SERPINB13: variants seen among roughly 807,000 people sequenced by gnomAD.
SERPINB13 encodes serpin family B member 13.
A neutral mutation model predicts 31.2 loss-of-function variants in SERPINB13; 26 were observed. That is an observed-to-expected ratio of 0.83 (90% CI 0.61 to 1.15). The LOEUF (loss-of-function observed/expected upper bound fraction) is 1.15, where lower values mean the gene tolerates loss of function less well. Among genes scored for constraint, SERPINB13 ranks in the 50% most tolerant of loss-of-function variants. The pLI, the probability that SERPINB13 is intolerant of heterozygous loss-of-function variation, is 0.00. For synonymous variants in SERPINB13, 191 were observed against 172.4 expected (o/e 1.11, Z -0.85); for missense variants, 510 against 469.4 (o/e 1.09, Z -0.80).
intron 3 of SERPINB13, chr18:63,590,033 G>A: frequency 3.8e-6 from 1 of 265,070 alleles, no homozygotes; most frequent in Non-Finnish European, 7.0e-6. Context: ...ACAGACTTAG[G>A]TCCAAGTCCT....
Position 63,593,351 on chromosome 18 carries a change from A to T in SERPINB13, c.472+380A>T, listed in dbSNP as rs538592364. 2.6e-5 allele frequency among the ~76,000 whole-genome samples: 4 copies of T among 152,308 alleles called. No individual in the cohort carries two copies. In the South Asian group the frequency reaches 8.3e-4, roughly 32 times the overall value. On this transcript the variant is annotated intron_variant, in intron 5 of 7. Transcript: ENST00000344731. ...AGGATGATGCCTGTCTTGGGTTTAC[A>T]TTCTTTCCTTTATATCAGAGCCTTT... is the stretch of plus-strand genomic sequence containing the variant.
intron 7 of SERPINB13, among the ~76,000 whole-genome samples, chr18:63,596,197 T>C (rs1316756956): frequency 1.3e-5 from 2 of 152,202 alleles, no homozygotes; most frequent in African/African-American, 2.4e-5. Context: ...TACTACCAGA[T>C]GCTGTGCTAC....
chr18:63,589,558 C>A, intron 2 of SERPINB13, 98 bp from the exon 3 acceptor site: 1 of 1,458,702 alleles, frequency 6.9e-7, no homozygotes, highest in Non-Finnish European at 9.2e-7. Context: ...TCATATACCA[C>A]CGAGGTTTCT....
At chr18:63,590,725 T>C (rs181105095) in intron 3 of SERPINB13, among the ~76,000 whole-genome samples, 262 of 152,370 alleles carry the variant, frequency 1.7e-3, no homozygotes, top group African/African-American at 5.4e-3. Flanking sequence ...GGGTGGAAAC[T>C]GAATTTCAGC....
At chr18:63,589,385 A>T (rs935213518) in intron 2 of SERPINB13, among the ~76,000 whole-genome samples, 1 of 151,792 alleles carries the variant, frequency 6.6e-6, no homozygotes, top group East Asian at 1.9e-4. Flanking sequence ...GAATCCAGGA[A>T]CAGAGGTTTC....
chr18:63,589,995 T>TCCACTCTGCTATGGGA, intron 3 of SERPINB13: 1 of 421,522 alleles, frequency 2.4e-6, no homozygotes, highest in Non-Finnish European at 3.8e-6. Flanking sequence ...AAAGTTCCCA[T>TCCACTCTGCTATGGGA]AGCAGAGTGG....
chr18:63,597,140 G>T lies in SERPINB13; in HGVS notation c.953G>T (p.Gly318Val). ...AGTGAGCACAAAGCCGACTACTCGG[G>T]AATGTCGTCAGGCTCCGGGTTGTAC... ...AFSEHKADYSGMSSGSGLYAQ... is the reference protein window; with the variant it reads ...AFSEHKADYSVMSSGSGLYAQ... The change falls in exon 8 of 8, where the codon GGA (glycine) becomes GTA (valine). Residue 318 changes from glycine (G) to valine (V), a missense_variant. Transcript: ENST00000344731. The T allele has an allele frequency of 6.2e-7, 1 of 1,614,232 alleles. No homozygotes were observed. The highest frequency in any genetic ancestry group is 8.5e-7 in the Non-Finnish European group (1 of 1,180,040).
Position 63,590,759 on chromosome 18 carries a change from A to G in SERPINB13, c.225+1044A>G, listed in dbSNP as rs115485020. Among the ~76,000 whole-genome samples the G allele has an allele frequency of 4.2e-3, 636 of 152,336 alleles. 6 individuals are homozygous for G. The highest frequency in any genetic ancestry group is 0.014 in the African/African-American group (598 of 41,580). On this transcript the variant is annotated intron_variant, in intron 3 of 7. Transcript: ENST00000344731. Reference sequence around the variant, plus strand: ...GCTTTGTGTAAGGCAAAGCTTACACATACATGCTGTCTAGCAGTTTTGCCC... The same window carrying G: ...GCTTTGTGTAAGGCAAAGCTTACACGTACATGCTGTCTAGCAGTTTTGCCC...
Position 63,597,165 on chromosome 18 carries a change from C to A in SERPINB13, c.978C>A (p.Tyr326Ter). 6.2e-7 allele frequency: 1 copy of A among 1,614,202 alleles called. No homozygotes were observed. The highest frequency in any genetic ancestry group is 2.2e-5 in the East Asian group (1 of 44,884). Residue 326 changes from tyrosine (Y) to a stop codon, truncating the protein, a stop_gained, in exon 8 of 8, where the codon TAC (tyrosine) becomes TAA (stop). Transcript: ENST00000344731. LOFTEE classifies it low-confidence loss of function (END_TRUNC). ...YSGMSSGSGLYAQKFLHSSFV... is the reference protein window; with the variant it reads ...YSGMSSGSGL ...GAATGTCGTCAGGCTCCGGGTTGTA[C>A]GCCCAGAAGTTCCTGCACAGTTCCT...
In SERPINB13 at chr18:63,588,773, A is replaced by G. The variant is rs753226743; in HGVS notation, c.106A>G (p.Thr36Ala). ...NIFFSPVGILTAIGMVLLGTR... is the reference protein window; with the variant it reads ...NIFFSPVGILAAIGMVLLGTR... ...CTTCTTTTCCCCTGTGGGCATCTTG[A>G]CTGCAATTGGCATGGTCCTCCTGGG... Residue 36 changes from threonine (T) to alanine (A), a missense_variant, in exon 2 of 8, where the codon ACT becomes GCT. Transcript: ENST00000344731. 6.2e-7 allele frequency: 1 copy of G among 1,614,124 alleles called. No individual in the cohort carries two copies. Among genetic ancestry groups the G allele is most frequent in the Admixed American group, 1.7e-5 (1 of 60,022 alleles).
chr18:63,589,952 C>T, intron 3 of SERPINB13: 1 of 738,208 alleles, frequency 1.4e-6, no homozygotes, highest in South Asian at 2.7e-5. Flanking sequence ...GACAATACCG[C>T]TATGATAGAA....
chr18:63,592,760 C>T (rs1188558079), intron 4 of SERPINB13, 94 bp from the exon 5 acceptor site: 1 of 844,200 alleles, frequency 1.2e-6, no homozygotes, highest in East Asian at 2.4e-5. Flanking sequence ...CTGTATTAGT[C>T]ATCCTAATGT....
chr18:63,588,804 G>T lies in SERPINB13; in HGVS notation c.137G>T (p.Arg46Leu). Residue 46 changes from arginine to leucine, a missense_variant, in exon 2 of 8, where the codon CGA becomes CTA. Coordinates refer to ENST00000344731, the MANE Select transcript of SERPINB13 (RefSeq NM_012397.4). Reference protein sequence around the residue: ...TAIGMVLLGTRGATASQLEEV... With the variant: ...TAIGMVLLGTLGATASQLEEV... Reference sequence around the variant, plus strand: ...ATTGGCATGGTCCTCCTGGGGACCCGAGGAGCCACCGCTTCCCAGTTGGAG... The same window carrying T: ...ATTGGCATGGTCCTCCTGGGGACCCTAGGAGCCACCGCTTCCCAGTTGGAG... The T allele has an allele frequency of 6.2e-7, 1 of 1,614,070 alleles. No homozygotes were observed. The highest frequency in any genetic ancestry group is 8.5e-7 in the Non-Finnish European group (1 of 1,179,970).
rs1476105694 is a variant in SERPINB13, at chr18:63,597,716, AT to A, written c.*355del. The A allele has an allele frequency of 5.4e-6, 1 of 184,946 alleles. No individual in the cohort carries two copies. Among genetic ancestry groups the A allele is most frequent in the African/African-American group, 2.3e-5 (1 of 42,914 alleles). 11.5% of individuals were successfully genotyped at this position (184,946 alleles called of 1,614,324 possible). A position where few individuals can be genotyped will look rare whatever the true frequency, so the allele number is the denominator to read the frequency against. On this transcript the variant is annotated 3_prime_UTR_variant, in exon 8 of 8. Coordinates refer to ENST00000344731, the MANE Select transcript of SERPINB13 (RefSeq NM_012397.4). ...CTAGTAATTTTGGGGGGTCTCTCTA[AT>A]TCTGGTATTTTGACATGTTATAATA...
At chr18:63,594,203 T>C in intron 5 of SERPINB13, 152 bp from the exon 6 acceptor site, 1 of 1,534,606 alleles carries the variant, frequency 6.5e-7, no homozygotes, top group Non-Finnish European at 8.8e-7. Context: ...TCCCCGTCGA[T>C]TCTGCCAGCA....
In SERPINB13 at chr18:63,597,741, T is replaced by A. The variant is rs774188920; in HGVS notation, c.*378T>A. 2 of 167,742 alleles carry A rather than the reference T, an allele frequency of 1.2e-5. No individual in the cohort carries two copies. Among genetic ancestry groups the A allele is most frequent in the Admixed American group, 5.7e-5 (1 of 17,474 alleles). The allele number at this position is 167,742 out of a possible 1,614,324, so 10.4% of individuals were successfully genotyped here. A position where few individuals can be genotyped will look rare whatever the true frequency, so the allele number is the denominator to read the frequency against. On this transcript the variant is annotated 3_prime_UTR_variant, in exon 8 of 8. Coordinates refer to ENST00000344731, the MANE Select transcript of SERPINB13 (RefSeq NM_012397.4). The stretch of plus-strand genomic sequence containing the variant: ...ATTCTGGTATTTTGACATGTTATAA[T>A]ACGCAAGTAAAATAAAACAATAGTT...
chr18:63,591,867 T>A (rs1911875342), intron 3 of SERPINB13, among the ~76,000 whole-genome samples: 1 of 152,052 alleles, frequency 6.6e-6, no homozygotes, highest in Non-Finnish European at 1.5e-5. Context: ...TTTTTTCCCC[T>A]GGAGACAAGG....
At chr18:63,593,335 C>T (rs900843012) in intron 5 of SERPINB13, among the ~76,000 whole-genome samples, 4 of 152,256 alleles carry the variant, frequency 2.6e-5, no homozygotes, top group South Asian at 4.1e-4. Flanking sequence ...TAGGATGATG[C>T]CTGTCTTGGG....
chr18:63,591,307 A>G (rs887054682), intron 3 of SERPINB13, among the ~76,000 whole-genome samples: 1 of 152,196 alleles, frequency 6.6e-6, no homozygotes, highest in Non-Finnish European at 1.5e-5. Flanking sequence ...GGGGATACTT[A>G]TAGCTCTATT....
Sources: gnomAD v4.1 joint callset for allele counts (sites outside exome capture counted in the v4.1 genomes callset) on GRCh38, gnomAD v4.1.1 for gene constraint, MANE v1.5 for transcripts, NCBI Gene and HGNC (gene_info 2026-07-23, HGNC 2026-07-21) for gene names.